AREG: variants seen among roughly 807,000 people sequenced by gnomAD.
AREG encodes amphiregulin B.
In AREG, 16 loss-of-function variants were observed where a neutral mutation model predicts 28.0. The observed-to-expected ratio is 0.57, with a 90% CI of 0.39 to 0.87. The LOEUF (loss-of-function observed/expected upper bound fraction) is 0.87. Among genes scored for constraint, AREG ranks in the 40% least tolerant of loss-of-function variants. The pLI is 0.00. For missense variants in AREG, 287 were observed against 309.1 expected (o/e 0.93, Z 0.53); for synonymous variants, 113 against 113.5 (o/e 1.00, Z 0.02).
At chr4:74,445,822 A>T (rs932801334) in intron 1 of AREG, among the ~76,000 whole-genome samples, 3 of 152,186 alleles carry the variant, frequency 2.0e-5, no homozygotes, top group Non-Finnish European at 4.4e-5. Flanking sequence ...GACTTAGAGT[A>T]TCCCGGCGAG....
At chr4:74,453,108 G>A (rs1466245955) in intron 5 of AREG, among the ~76,000 whole-genome samples, 15 of 152,158 alleles carry the variant, frequency 9.9e-5, no homozygotes, top group African/African-American at 3.6e-4. Flanking sequence ...TCAAGAAACT[G>A]TGAAGGGAAA....
In AREG at chr4:74,445,282, G is replaced by T. The variant is rs1473005536; in HGVS notation, c.-64G>T. The stretch of plus-strand genomic sequence containing the variant: ...TCTTCCAACACCCGCTCGTTTTGGC[G>T]GCAGCTCGTGTCCCAGAGACCGAGT... On this transcript the variant is annotated 5_prime_UTR_variant, in exon 1 of 6. Transcript: ENST00000395748. The T allele has an allele frequency of 3.8e-6, 6 of 1,579,688 alleles. No homozygotes were observed. Among genetic ancestry groups the T allele is most frequent in the East Asian group, 4.6e-5 (2 of 43,356 alleles).
In AREG at chr4:74,450,413, G is replaced by A. The variant is rs1352770674; in HGVS notation, c.546G>A (p.Gly182=). Reference sequence around the variant, plus strand: ...AAGAATATTTCGGTGAACGGTGTGGGGAAAAGTCCATGAAAACTCACAGCA... The same window carrying A: ...AAGAATATTTCGGTGAACGGTGTGGAGAAAAGTCCATGAAAACTCACAGCA... The part of the protein sequence containing the change: ...CQQEYFGERC[G]EKSMKTHSMI... The change falls in exon 4 of 6, where the codon GGG becomes GGA. Residue 182 remains glycine (G), a synonymous_variant. Coordinates refer to ENST00000395748, the MANE Select transcript of AREG (RefSeq NM_001657.4). The A allele has an allele frequency of 4.3e-6, 7 of 1,613,876 alleles. No individual in the cohort carries two copies. Among genetic ancestry groups the A allele is most frequent in the Middle Eastern group, 3.3e-4 (2 of 6,054 alleles).
intron 4 of AREG, among the ~76,000 whole-genome samples, chr4:74,451,141 C>A (rs1719374689): frequency 6.6e-6 from 1 of 152,144 alleles, no homozygotes; most frequent in African/African-American, 2.4e-5. Flanking sequence ...GCATAGCAAG[C>A]AAGGACAATT....
chr4:74,445,353 C>A lies in AREG; in HGVS notation c.8C>A (p.Ala3Asp), dbSNP rs779930404. Residue 3 changes from alanine (A) to aspartate (D), a missense_variant, in exon 1 of 6, where the codon GCC (alanine) becomes GAC (aspartate). By Grantham distance (126) the Ala-to-Asp change is moderately radical. Coordinates refer to ENST00000395748, the MANE Select transcript of AREG (RefSeq NM_001657.4). The part of the protein sequence containing the change: MR[A>D]PLLPPAPVVL... ...CGCCGCTGCGAAGGACCAATGAGAG[C>A]CCCGCTGCTACCGCCGGCGCCGGTG... 6 of 1,610,562 alleles carry A rather than the reference C, an allele frequency of 3.7e-6. No homozygotes were observed. In the South Asian group the frequency reaches 4.4e-5, roughly 12 times the overall value.
At chr4:74,452,724 CAA>C in intron 5 of AREG, 69 bp downstream of exon 5, 1 of 1,362,862 alleles carries the variant, frequency 7.3e-7, no homozygotes, top group South Asian at 1.3e-5. Flanking sequence ...TATATAATCT[CAA>C]GAAAAATATG....
rs1719396497 is a variant in AREG, at chr4:74,452,544, G to A, written c.666G>A (p.Gln222=). 2 of 1,613,328 alleles carry A rather than the reference G, an allele frequency of 1.2e-6. No homozygotes were observed. The highest frequency in any genetic ancestry group is 2.7e-5 in the African/African-American group (2 of 74,896). ...ILTAVAVITV[Q]LRRQYVRKYE... Reference sequence around the variant, plus strand: ...CATTAGAATGCCTTGTTCTCTGAAGGCTTAGAAGACAATACGTCAGGAAAT... The same window carrying A: ...CATTAGAATGCCTTGTTCTCTGAAGACTTAGAAGACAATACGTCAGGAAAT... Residue 222 remains glutamine (Q), a splice_region_variant and synonymous_variant, in exon 5 of 6, where the codon CAG becomes CAA. Coordinates refer to ENST00000395748, the MANE Select transcript of AREG (RefSeq NM_001657.4).
chr4:74,450,852 A>G (rs1364447236), intron 4 of AREG, among the ~76,000 whole-genome samples: 4 of 152,186 alleles, frequency 2.6e-5, no homozygotes, highest in African/African-American at 7.2e-5. Flanking sequence ...ATTTATATCT[A>G]CTGTGAAATC....
intron 5 of AREG, among the ~76,000 whole-genome samples, chr4:74,453,442 T>C (rs1719412190): frequency 6.6e-6 from 1 of 152,146 alleles, no homozygotes; most frequent in African/African-American, 2.4e-5. Flanking sequence ...GAGGAATATT[T>C]CGTTGATAAT....
intron 2 of AREG, 118 bp from the exon 3 acceptor site, chr4:74,448,929 T>C: frequency 2.2e-6 from 3 of 1,392,932 alleles, no homozygotes; most frequent in Non-Finnish European, 2.0e-6. Flanking sequence ...TGTTAGGTAA[T>C]GAGGCACGCA....
intron 2 of AREG, 110 bp downstream of exon 2, chr4:74,446,892 A>C: frequency 8.0e-7 from 1 of 1,255,906 alleles, no homozygotes; most frequent in Non-Finnish European, 1.1e-6. Flanking sequence ...TTTATTGTAT[A>C]TCTGTTGGAT....
rs1283640826 is a variant in AREG, at chr4:74,452,602, C to T, written c.724C>T (p.Arg242Ter). 7 of 1,613,230 alleles carry T rather than the reference C, an allele frequency of 4.3e-6. No homozygotes were observed. Among genetic ancestry groups the T allele is most frequent in the Admixed American group, 1.7e-5 (1 of 59,942 alleles). The change falls in exon 5 of 6, where the codon CGA (arginine) becomes TGA (stop). Residue 242 changes from arginine (R) to a stop codon, truncating the protein, a stop_gained. Coordinates refer to ENST00000395748, the MANE Select transcript of AREG (RefSeq NM_001657.4). LOFTEE classifies it high-confidence loss of function. ...AGAAGCTGAGGAACGAAAGAAACTT[C>T]GACAAGAGAATGGAAATGTACATGC... ...EGEAEERKKL[R>*]QENGNVHAIA
chr4:74,445,192 C>G lies in AREG; in HGVS notation c.-154C>G. The G allele has an allele frequency of 6.8e-7, 1 of 1,473,142 alleles. No homozygotes were observed. The highest frequency in any genetic ancestry group is 1.4e-5 in the South Asian group (1 of 73,420). 91.3% of individuals were successfully genotyped at this position (1,473,142 alleles called of 1,614,324 possible). ...AGAGGTCCCGGGACAGCCCGAGGCG[C>G]CGCGCCCGCCGCCCCGAGCTCCCCA... On this transcript the variant is annotated 5_prime_UTR_variant, in exon 1 of 6. Coordinates refer to ENST00000395748, the MANE Select transcript of AREG (RefSeq NM_001657.4).
intron 5 of AREG, among the ~76,000 whole-genome samples, chr4:74,454,153 A>G (rs1241651324): frequency 1.3e-5 from 2 of 152,106 alleles, no homozygotes; most frequent in African/African-American, 4.8e-5. Context: ...CCAATGCTAA[A>G]CTCAGTATTT....
chr4:74,445,829 C>G (rs1719273033), intron 1 of AREG, among the ~76,000 whole-genome samples: 1 of 152,138 alleles, frequency 6.6e-6, no homozygotes, highest in East Asian at 1.9e-4. Context: ...AGTATCCCGG[C>G]GAGAGGTTAA....
intron 2 of AREG, among the ~76,000 whole-genome samples, chr4:74,447,427 T>A (rs1719311674): frequency 6.6e-6 from 1 of 152,146 alleles, no homozygotes; most frequent in African/African-American, 2.4e-5. Flanking sequence ...ATACTTAGAT[T>A]TTGTATTGCT....
chr4:74,445,503 T>A, intron 1 of AREG, 97 bp downstream of exon 1: 2 of 1,543,010 alleles, frequency 1.3e-6, no homozygotes, highest in South Asian at 1.2e-5. Flanking sequence ...CGCCCTTTAG[T>A]TCCCCCGACC....
intron 2 of AREG, 59 bp downstream of exon 2, chr4:74,446,841 C>G: frequency 6.2e-7 from 1 of 1,613,324 alleles, no homozygotes; most frequent in South Asian, 1.1e-5. Flanking sequence ...ATGAGCAAAG[C>G]TGCTTCAGAA....
Position 74,449,059 on chromosome 4 carries a change from T to A in AREG, c.323T>A (p.Val108Asp). Residue 108 changes from valine (V) to aspartate (D), a missense_variant, in exon 3 of 6, where the codon GTT becomes GAT. By Grantham distance (152) the Val-to-Asp change is radical. Transcript: ENST00000395748. ...VDDSVRVEQV[V>D]KPPQNKTESE... is the part of the protein sequence containing the mutation. ...TTTTCTTTTTTAGTTGAACAGGTAG[T>A]TAAGCCCCCCCAAAACAAGACGGAA... The A allele has an allele frequency of 6.2e-7, 1 of 1,609,732 alleles. No individual in the cohort carries two copies. Among genetic ancestry groups the A allele is most frequent in the Non-Finnish European group, 8.5e-7 (1 of 1,179,338 alleles).
Sources: allele counts gnomAD v4.1 joint callset (sites outside exome capture counted in the v4.1 genomes callset), GRCh38; gene constraint gnomAD v4.1.1; transcripts MANE v1.5; gene names NCBI Gene and HGNC (gene_info 2026-07-23, HGNC 2026-07-21).